IDNK: variants seen among roughly 807,000 people sequenced by gnomAD.
IDNK encodes gluconokinase.
In IDNK, 9 loss-of-function variants were observed where a neutral mutation model predicts 13.0. That is an observed-to-expected ratio of 0.69 (90% CI 0.42 to 1.21). IDNK has a LOEUF of 1.21. Among genes scored for constraint, IDNK ranks in the 50% most tolerant of loss-of-function variants. The pLI is 0.00. For missense variants in IDNK, 210 were observed against 237.8 expected (o/e 0.88, Z 0.77); for synonymous variants, 92 against 94.9 (o/e 0.97, Z 0.18).
At chr9:83,631,299 T>G (rs897100480) in intron 3 of IDNK, among the ~76,000 whole-genome samples, 3 of 151,740 alleles carry the variant, frequency 2.0e-5, no homozygotes, top group Admixed American at 2.0e-4. Context: ...GTGTAGAACA[T>G]GTTAAGGGCT....
intron 3 of IDNK, among the ~76,000 whole-genome samples, chr9:83,640,914 AGT>A (rs1831287359): frequency 6.6e-6 from 1 of 152,160 alleles, no homozygotes; most frequent in African/African-American, 2.4e-5. Flanking sequence ...TCTGCTTTTC[AGT>A]GTGTTTAAAT....
At chr9:83,639,412 A>G (rs1685133779) in intron 3 of IDNK, among the ~76,000 whole-genome samples, 1 of 152,266 alleles carries the variant, frequency 6.6e-6, no homozygotes, top group Non-Finnish European at 1.5e-5. Flanking sequence ...AATGCAGGAA[A>G]TAACAGAAAT....
intron 3 of IDNK, among the ~76,000 whole-genome samples, chr9:83,629,593 T>A (rs1830957403): frequency 6.6e-6 from 1 of 152,184 alleles, no homozygotes; most frequent in African/African-American, 2.4e-5. Context: ...GTTCCCTTCT[T>A]CCCTGAGCTA....
In IDNK at chr9:83,643,661, C is replaced by T. The variant is rs1293976277; in HGVS notation, c.445C>T (p.Gln149Ter). 2.5e-6 allele frequency: 4 copies of T among 1,613,760 alleles called. No homozygotes were observed. The highest frequency in any genetic ancestry group is 3.4e-6 in the Non-Finnish European group (4 of 1,179,924). The change falls in exon 5 of 5, where the codon CAG (glutamine) becomes TAG (stop). Residue 149 changes from glutamine to a stop codon, truncating the protein, a stop_gained. Transcript: ENST00000376419. LOFTEE classifies it high-confidence loss of function. ...EGHFMPPELL[Q>*]SQFETLEPPA... Reference sequence around the variant, plus strand: ...ACATTTTATGCCCCCTGAATTATTGCAGTCCCAGTTTGAGACTCTGGAGCC... The same window carrying T: ...ACATTTTATGCCCCCTGAATTATTGTAGTCCCAGTTTGAGACTCTGGAGCC...
At chr9:83,623,389 TC>T in intron 1 of IDNK, 168 bp downstream of exon 1, 2 of 652,634 alleles carry the variant, frequency 3.1e-6, no homozygotes, top group Non-Finnish European at 5.1e-6. Flanking sequence ...CTCCCCGCCC[TC>T]CAGCCTGCTC....
chr9:83,627,561 A>C (rs1830888188), intron 1 of IDNK, among the ~76,000 whole-genome samples: 1 of 152,144 alleles, frequency 6.6e-6, no homozygotes, highest in South Asian at 2.1e-4. Context: ...CTGAGTCCCG[A>C]GCCCCTTTCA....
chr9:83,623,027 AAGGGGCGCGGGAAAACGGGGAGGGCGCAG>A, upstream of IDNK: 1 of 530,158 alleles, frequency 1.9e-6, no homozygotes. Flanking sequence ...AAGCATGGAA[AAGGGGCGCGGGAAAACGGGGAGGGCGCAG>A]AGGGGCACGG....
At chr9:83,631,423 A>T (rs1459539236) in intron 3 of IDNK, among the ~76,000 whole-genome samples, 2 of 127,412 alleles carry the variant, frequency 1.6e-5, no homozygotes, top group African/African-American at 6.0e-5. Context: ...CCTGGGCAAC[A>T]TAGCAAGTCC....
At chr9:83,636,970 CTT>C (rs1178527897) in intron 3 of IDNK, among the ~76,000 whole-genome samples, 3 of 152,250 alleles carry the variant, frequency 2.0e-5, no homozygotes, top group Admixed American at 6.5e-5. Context: ...AAAAACCACA[CTT>C]GTTTCACTAC....
intron 4 of IDNK, among the ~76,000 whole-genome samples, chr9:83,642,003 T>C (rs1482119815): frequency 2.0e-5 from 3 of 152,250 alleles, no homozygotes; most frequent in African/African-American, 7.2e-5. Flanking sequence ...ATGCCACTTC[T>C]GTTATTGCCT....
intron 3 of IDNK, among the ~76,000 whole-genome samples, chr9:83,639,228 C>T (rs1352206104): frequency 6.6e-6 from 1 of 151,930 alleles, no homozygotes; most frequent in Non-Finnish European, 1.5e-5. Flanking sequence ...TGTTAAAAGT[C>T]ACAATGGAAA....
intron 1 of IDNK, among the ~76,000 whole-genome samples, chr9:83,627,413 G>T (rs1830884246): frequency 1.3e-5 from 2 of 152,192 alleles, no homozygotes; most frequent in African/African-American, 4.8e-5. Flanking sequence ...GAAATGAAAT[G>T]TAGGTGGATG....
intron 4 of IDNK, among the ~76,000 whole-genome samples, chr9:83,642,444 T>C (rs1271949922): frequency 6.6e-6 from 1 of 152,078 alleles, no homozygotes; most frequent in African/African-American, 2.4e-5. Flanking sequence ...AATTTTTGCC[T>C]ACCTGGGTTT....
At chr9:83,636,368 GGTCA>G (rs1233192357) in intron 3 of IDNK, among the ~76,000 whole-genome samples, 1 of 152,134 alleles carries the variant, frequency 6.6e-6, no homozygotes, top group Non-Finnish European at 1.5e-5. Flanking sequence ...ATACTTCAGA[GGTCA>G]GTCAATCCAG....
chr9:83,634,020 GGCA>G (rs1353349420), intron 3 of IDNK, among the ~76,000 whole-genome samples: 2 of 152,196 alleles, frequency 1.3e-5, no homozygotes, highest in Non-Finnish European at 2.9e-5. Flanking sequence ...TGGTCATGAC[GGCA>G]CTGACATGGT....
chr9:83,632,039 A>T (rs1458928311), intron 3 of IDNK, among the ~76,000 whole-genome samples: 1 of 152,190 alleles, frequency 6.6e-6, no homozygotes, highest in Non-Finnish European at 1.5e-5. Flanking sequence ...AAATTTGGAA[A>T]GTACTAAAAA....
rs917752477 is a variant in IDNK, at chr9:83,628,783, G to A, written c.82-90G>A. The A allele has an allele frequency of 6.6e-6, 6 of 913,702 alleles. No individual in the cohort carries two copies. In the African/African-American group the frequency reaches 8.1e-5, roughly 12 times the overall value. The allele number at this position is 913,702 out of a possible 1,614,324, so 56.6% of individuals were successfully genotyped here. A position where few individuals can be genotyped will look rare whatever the true frequency, so the allele number is the denominator to read the frequency against. On this transcript the variant is annotated intron_variant, in intron 2 of 4. Coordinates refer to ENST00000376419, the MANE Select transcript of IDNK (RefSeq NM_001001551.4). ...TGATGGGAACCAGGCGGGTGGTATT[G>A]TTTCTACACCTGCCTGTTAGTAATC...
rs535948046 is a variant in IDNK, at chr9:83,631,918, C to G, written c.168+2959C>G. On this transcript the variant is annotated intron_variant, in intron 3 of 4. Transcript: ENST00000376419. ...GTCCTATCTGAGCCTGCAGGGGCACCTGAATAGTCTTCAACTTCAAAGTCT... is the reference window on the plus strand; with the variant it reads ...GTCCTATCTGAGCCTGCAGGGGCACGTGAATAGTCTTCAACTTCAAAGTCT... 5.9e-5 allele frequency among the ~76,000 whole-genome samples: 9 copies of G among 151,986 alleles called. No individual in the cohort carries two copies. The East Asian group carries it at 1.7e-3, about 29-fold the overall frequency.
chr9:83,641,781 G>A (rs553819690), intron 4 of IDNK, among the ~76,000 whole-genome samples, 190 bp downstream of exon 4: 6 of 152,296 alleles, frequency 3.9e-5, no homozygotes, highest in South Asian at 2.1e-4. Flanking sequence ...GAGTTTAGTC[G>A]GGCTCTGGAG....
Sources: allele counts gnomAD v4.1 joint callset (sites outside exome capture counted in the v4.1 genomes callset), GRCh38; gene constraint gnomAD v4.1.1; transcripts MANE v1.5; gene names NCBI Gene and HGNC (gene_info 2026-07-23, HGNC 2026-07-21).